The following KRT35 variants were observed in gnomAD, a reference collection of about 807,000 sequenced individuals.
KRT35 encodes keratin, type I cuticular Ha5.
Under a neutral mutation model 42.2 loss-of-function variants are expected in KRT35, and 33 were observed. The observed-to-expected ratio is 0.78, with a 90% CI of 0.59 to 1.05. KRT35 has a LOEUF of 1.05. KRT35 is among the 50% of genes least tolerant of loss of function. KRT35 has a pLI of 0.00. For synonymous variants in KRT35, 218 were observed against 238.2 expected, an observed-to-expected ratio of 0.92 and a Z score of 0.78; for missense variants, 585 against 589.2, an observed-to-expected ratio of 0.99 and a Z score of 0.07.
Position 41,478,404 on chromosome 17 carries a change from G to A in KRT35, c.956C>T (p.Thr319Met), listed in dbSNP as rs374656844. The change falls in exon 5 of 7, where the codon ACG becomes ATG. Residue 319 changes from threonine (T) to methionine (M), a missense_variant. Transcript: ENST00000246639. Reference sequence around the variant, plus strand: ...CAGCTCAATCTCCAGGGCGTTGACCGTGCGTCTCAGCTCGATGATCTCTGC... The same window carrying A: ...CAGCTCAATCTCCAGGGCGTTGACCATGCGTCTCAGCTCGATGATCTCTGC... ...CQAEIIELRR[T>M]VNALEIELQA... 55 of 1,613,880 alleles carry A rather than the reference G, an allele frequency of 3.4e-5. No individual in the cohort carries two copies. The highest frequency in any genetic ancestry group is 8.0e-5 in the African/African-American group (6 of 74,912).
rs1379916228 is a variant in KRT35, at chr17:41,480,741, C to T, written c.357G>A (p.Glu119=). ...GGCTCTCCAGGCTGGCGTTCTCCTG[C>T]TCCAGCTGACGCACCTTCTCCAGGT... ...AGYLEKVRQL[E]QENASLESRI... The change falls in exon 1 of 7, where the codon GAG becomes GAA. Residue 119 remains glutamate (E), a synonymous_variant. Coordinates refer to ENST00000246639, the MANE Select transcript of KRT35 (RefSeq NM_002280.6). 2.5e-6 allele frequency: 4 copies of T among 1,614,088 alleles called. No individual in the cohort carries two copies. In the South Asian group the frequency reaches 3.3e-5, roughly 13 times the overall value.
In KRT35 at chr17:41,478,322, C is replaced by G. The variant is rs1181396606; in HGVS notation, c.999+39G>C. 1.9e-6 allele frequency: 3 copies of G among 1,602,328 alleles called. No individual in the cohort carries two copies. In the Admixed American group the frequency reaches 5.0e-5, roughly 27 times the overall value. On this transcript the variant is annotated intron_variant, in intron 5 of 6. Transcript: ENST00000246639. ...GCTGGGGAGCTTGTGTGCTCCTCGG[C>G]TTGGTCCAGAGGCAGCTCCACCCTG...
chr17:41,479,249 TATGCTCACCTCATCCCCA>T lies in KRT35; in HGVS notation c.711+80_711+97del, dbSNP rs1426469853. ...CTGCTCCCTCATGTTCACCTCCCCC[TATGCTCACCTCATCCCCA>T]ATGCTCACCTCCTCCCCATGTTCAC... On this transcript the variant is annotated intron_variant, in intron 3 of 6. Transcript: ENST00000246639. 7 of 1,244,244 alleles carry T rather than the reference TATGCTCACCTCATCCCCA, an allele frequency of 5.6e-6. No homozygotes were observed. The African/African-American group carries it at 9.6e-5, about 17-fold the overall frequency. 77.1% of individuals were successfully genotyped at this position (1,244,244 alleles called of 1,614,324 possible).
At chr17:41,477,304 ACCTTGATCCTG>A (rs763297713) in intron 6 of KRT35, 101 bp from the exon 7 acceptor site, 265 of 1,412,088 alleles carry the variant, frequency 1.9e-4, no homozygotes, top group Non-Finnish European at 2.5e-4. Context: ...CCTAAAAACC[ACCTTGATCCTG>A]CCCCCTTGTT....
Position 41,480,993 on chromosome 17 carries a change from G to T in KRT35, c.105C>A (p.Ser35Arg). ...STRVSAMYSS[S>R]SCKLPSLSPV... The stretch of plus-strand genomic sequence containing the variant: ...GGGAGAGACTTGGAAGCTTGCAAGA[G>T]CTGCTGGAGTACATTGCGGACACAC... Residue 35 changes from serine to arginine, a missense_variant, in exon 1 of 7, where the codon AGC (serine) becomes AGA (arginine). Ser to Arg is a moderately radical substitution (Grantham distance 110). Coordinates refer to ENST00000246639, the MANE Select transcript of KRT35 (RefSeq NM_002280.6). The T allele has an allele frequency of 6.2e-7, 1 of 1,614,014 alleles. No individual in the cohort carries two copies. Among genetic ancestry groups the T allele is most frequent in the South Asian group, 1.1e-5 (1 of 91,086 alleles).
In KRT35 at chr17:41,479,382, C is replaced by G; in HGVS notation, c.676G>C (p.Glu226Gln). 2 of 1,614,132 alleles carry G rather than the reference C, an allele frequency of 1.2e-6. No homozygotes were observed. The highest frequency in any genetic ancestry group is 1.7e-6 in the Non-Finnish European group (2 of 1,179,992). ...DLEAQVESLK[E>Q]ELLCLKKNHE... Reference sequence around the variant, plus strand: ...TTCTTCTTCAGGCAGAGCAGCTCCTCCTTCAGGGACTCCACCTGGGCCTCC... The same window carrying G: ...TTCTTCTTCAGGCAGAGCAGCTCCTGCTTCAGGGACTCCACCTGGGCCTCC... Residue 226 changes from glutamate (E) to glutamine (Q), a missense_variant, in exon 3 of 7, where the codon GAG (glutamate) becomes CAG (glutamine). By Grantham distance (29) the Glu-to-Gln change is conservative. Transcript: ENST00000246639.
Position 41,478,390 on chromosome 17 carries a change from CCAGGGCGTTGACCGTGCGTCT to C in KRT35, c.949_969del (p.Arg317_Leu323del). On this transcript the variant is annotated inframe_deletion, in exon 5 of 7. Coordinates refer to ENST00000246639, the MANE Select transcript of KRT35 (RefSeq NM_002280.6). Reference sequence around the variant, plus strand: ...CTGTGCTGAGCCTGCAGCTCAATCTCCAGGGCGTTGACCGTGCGTCTCAGCTCGATGATCTCTGCCTGGCAG... The same window carrying C: ...CTGTGCTGAGCCTGCAGCTCAATCTCCAGCTCGATGATCTCTGCCTGGCAG... 6.2e-7 allele frequency: 1 copy of C among 1,613,916 alleles called. No individual in the cohort carries two copies. Among genetic ancestry groups the C allele is most frequent in the Non-Finnish European group, 8.5e-7 (1 of 1,179,938 alleles).
In KRT35 at chr17:41,479,342, C is replaced by T. The variant is rs1245660355; in HGVS notation, c.711+5G>A. On this transcript the variant is annotated splice_donor_5th_base_variant and intron_variant, in intron 3 of 6. Transcript: ENST00000246639. The stretch of plus-strand genomic sequence containing the variant: ...TGCCGTGTTCACCTTTTCCCCCATG[C>T]TCACCTCCTCATGGTTCTTCTTCAG... The T allele has an allele frequency of 6.2e-7, 1 of 1,613,060 alleles. No individual in the cohort carries two copies. The highest frequency in any genetic ancestry group is 1.3e-5 in the African/African-American group (1 of 74,762).
In KRT35 at chr17:41,480,899, G is replaced by C. The variant is rs776307492; in HGVS notation, c.199C>G (p.Leu67Val). Residue 67 changes from leucine (L) to valine (V), a missense_variant, in exon 1 of 7, where the codon CTC becomes GTC. Leu to Val is a conservative substitution (Grantham distance 32). Coordinates refer to ENST00000246639, the MANE Select transcript of KRT35 (RefSeq NM_002280.6). ...CCAGCAGGGAGGCAGAGAGCAGGGA[G>C]GCAGCTGGTGGCCCTGTAGCTGCTT... The part of the protein sequence containing the change: ...GRSSYRATSC[L>V]PALCLPAGGF... 4 of 1,614,102 alleles carry C rather than the reference G, an allele frequency of 2.5e-6. No individual in the cohort carries two copies. The South Asian group carries it at 4.4e-5, about 18-fold the overall frequency.
chr17:41,480,253 G>A (rs553299014), intron 1 of KRT35, among the ~76,000 whole-genome samples: 18 of 152,296 alleles, frequency 1.2e-4, no homozygotes, highest in African/African-American at 3.6e-4. Flanking sequence ...TTACTTATGG[G>A]AAGCCTGAAC....
At position 41,481,085 on chromosome 17, in the gene KRT35, A is replaced by G; in HGVS notation, c.13T>C (p.Cys5Arg). The G allele has an allele frequency of 6.2e-7, 1 of 1,607,646 alleles. No individual in the cohort carries two copies. The highest frequency in any genetic ancestry group is 1.3e-5 in the African/African-American group (1 of 74,600). MASK[C>R]LKAGFSSGSL... Reference sequence around the variant, plus strand: ...CCAGAAGAGAAGCCGGCCTTGAGGCATTTGGAAGCCATGGCCCCTGCAACT... The same window carrying G: ...CCAGAAGAGAAGCCGGCCTTGAGGCGTTTGGAAGCCATGGCCCCTGCAACT... Residue 5 changes from cysteine to arginine, a missense_variant, in exon 1 of 7, where the codon TGC becomes CGC. Physicochemically the swap from Cys to Arg is radical, Grantham distance 180. Coordinates refer to ENST00000246639, the MANE Select transcript of KRT35 (RefSeq NM_002280.6).
rs1326207840 is a variant in KRT35, at chr17:41,477,091, G to C, written c.1333C>G (p.Pro445Ala). Residue 445 changes from proline to alanine, a missense_variant, in exon 7 of 7, where the codon CCC (proline) becomes GCC (alanine). Coordinates refer to ENST00000246639, the MANE Select transcript of KRT35 (RefSeq NM_002280.6). Reference protein sequence around the residue: ...SAARTNCSPRPICVPCPGGRF With the variant: ...SAARTNCSPRAICVPCPGGRF ...CCCCCTGGGCAGGGCACACAAATGG[G>C]GCGGGGGCTGCAGTTTGTGCGGGCT... is the stretch of plus-strand genomic sequence containing the variant. 20 of 1,601,566 alleles carry C rather than the reference G, an allele frequency of 1.2e-5. No homozygotes were observed. Among genetic ancestry groups the C allele is most frequent in the Non-Finnish European group, 1.7e-5 (20 of 1,175,384 alleles).
chr17:41,477,767 A>G (rs1384695573), intron 5 of KRT35, 29 bp from the exon 6 acceptor site: 4 of 1,598,816 alleles, frequency 2.5e-6, no homozygotes, highest in Admixed American at 1.7e-5. Context: ...TGTAGGGAGG[A>G]AAAAGGCTAG....
In KRT35 at chr17:41,479,421, A is replaced by C. The variant is rs770615414; in HGVS notation, c.637T>G (p.Cys213Gly). 6.2e-7 allele frequency: 1 copy of C among 1,614,058 alleles called. No homozygotes were observed. The highest frequency in any genetic ancestry group is 1.1e-5 in the South Asian group (1 of 91,072). Residue 213 changes from cysteine (C) to glycine (G), a missense_variant, in exon 3 of 7, where the codon TGC becomes GGC. By Grantham distance (159) the Cys-to-Gly change is radical. Transcript: ENST00000246639. ...ACCTGGGCCTCCAGGTCAGACTTGC[A>C]CAGGGTCAGGTCATCCAGGATCCTG... ...LRRILDDLTL[C>G]KSDLEAQVES...
intron 5 of KRT35, 35 bp from the exon 6 acceptor site, chr17:41,477,773 G>C: frequency 1.3e-6 from 2 of 1,590,748 alleles, no homozygotes; most frequent in East Asian, 2.3e-5. Flanking sequence ...GAGGAAAAAG[G>C]CTAGAGGTCA....
Position 41,478,870 on chromosome 17 carries a change from A to G in KRT35, c.837T>C (p.Asn279=), listed in dbSNP as rs772121944. The G allele has an allele frequency of 6.2e-7, 1 of 1,613,936 alleles. No individual in the cohort carries two copies. Among genetic ancestry groups the G allele is most frequent in the Non-Finnish European group, 8.5e-7 (1 of 1,179,948 alleles). Residue 279 remains asparagine, a synonymous_variant, in exon 4 of 7, where the codon AAT becomes AAC. Coordinates refer to ENST00000246639, the MANE Select transcript of KRT35 (RefSeq NM_002280.6). ...MRCQYETLVE[N]NRRDAEDWLD... ...ACCAGTCTTCAGCATCCCGGCGGTTATTCTCCACCAGGGTTTCATACTGGC... is the reference window on the plus strand; with the variant it reads ...ACCAGTCTTCAGCATCCCGGCGGTTGTTCTCCACCAGGGTTTCATACTGGC...
Position 41,478,587 on chromosome 17 carries a change from G to C in KRT35, c.874-101C>G, listed in dbSNP as rs551825392. ...ATCATGAGCCAAGAAAGACATTCCC[G>C]ATTCCCCAGTCCCACTCATTTATTT... On this transcript the variant is annotated intron_variant, in intron 4 of 6. Transcript: ENST00000246639. 5 of 1,405,778 alleles carry C rather than the reference G, an allele frequency of 3.6e-6. No homozygotes were observed. The African/African-American group carries it at 4.3e-5, about 12-fold the overall frequency. The allele number at this position is 1,405,778 out of a possible 1,614,324, so 87.1% of individuals were successfully genotyped here.
rs1286922912 is a variant in KRT35, at chr17:41,479,432, T to A, written c.626A>T (p.Asp209Val). The change falls in exon 3 of 7, where the codon GAC becomes GTC. Residue 209 changes from aspartate to valine, a missense_variant. Asp to Val is a radical substitution (Grantham distance 152, BLOSUM62 -3). Coordinates refer to ENST00000246639, the MANE Select transcript of KRT35 (RefSeq NM_002280.6). ...CAGGTCAGACTTGCACAGGGTCAGG[T>A]CATCCAGGATCCTGCGCAGGCCGTT... is the stretch of plus-strand genomic sequence containing the variant. ...DINGLRRILDDLTLCKSDLEA... is the reference protein window; with the variant it reads ...DINGLRRILDVLTLCKSDLEA... The A allele has an allele frequency of 1.2e-6, 2 of 1,614,110 alleles. No homozygotes were observed. Among genetic ancestry groups the A allele is most frequent in the Admixed American group, 3.3e-5 (2 of 60,022 alleles).
At position 41,477,132 on chromosome 17, in the gene KRT35, G is replaced by A. The variant is rs748278996; in HGVS notation, c.1292C>T (p.Ser431Phe). The A allele has an allele frequency of 5.0e-6, 8 of 1,613,376 alleles. No individual in the cohort carries two copies. Among genetic ancestry groups the A allele is most frequent in the African/African-American group, 2.7e-5 (2 of 75,026 alleles). ...TGTGCGGGCTGCACTAGGACCGCAG[G>A]AGGCCGCAGGAAGACAGGGAAGGCA... ...KSCLPCLPAA[S>F]CGPSAARTNC... Residue 431 changes from serine to phenylalanine, a missense_variant, in exon 7 of 7, where the codon TCC becomes TTC. Coordinates refer to ENST00000246639, the MANE Select transcript of KRT35 (RefSeq NM_002280.6).
Sources: gnomAD v4.1 joint callset for allele counts (sites outside exome capture counted in the v4.1 genomes callset) on GRCh38, gnomAD v4.1.1 for gene constraint, MANE v1.5 for transcripts, NCBI Gene and HGNC (gene_info 2026-07-23, HGNC 2026-07-21) for gene names.